Variants in EYS observed in about 807,000 individuals in gnomAD.
EYS encodes EGF-like photoreceptor maintenance factor, also known as protein eyes shut homolog.
Under a neutral mutation model 282.1 loss-of-function variants are expected in EYS, and 250 were observed. The observed-to-expected ratio is 0.89, with a 90% CI of 0.80 to 0.98. EYS has a LOEUF of 0.98. Among genes scored for constraint, EYS ranks in the 50% least tolerant of loss-of-function variants. The probability of loss-of-function intolerance (pLI) is 0.00; values close to 1 mark genes in which losing one functional copy is unlikely to be tolerated. For synonymous variants in EYS, 1,355 were observed against 1,282.9 expected (o/e 1.06, Z -1.20); for missense variants, 4,016 against 3,709.0 (o/e 1.08, Z -2.15).
At chr6:63,994,222 G>T (rs1044512090) in intron 34 of EYS, among the ~76,000 whole-genome samples, 1 of 151,892 alleles carries the variant, frequency 6.6e-6, no homozygotes, top group Non-Finnish European at 1.5e-5. Context: ...TTCTCAACAA[G>T]TATGCCACAC....
chr6:64,230,438 G>T (rs559502937), intron 31 of EYS, among the ~76,000 whole-genome samples, 154 bp downstream of exon 31: 2 of 152,240 alleles, frequency 1.3e-5, no homozygotes, highest in East Asian at 1.9e-4. Context: ...TAAACTGAAA[G>T]TATTCGATCA....
intron 31 of EYS, among the ~76,000 whole-genome samples, chr6:64,144,721 G>T (rs1774452348): frequency 6.6e-6 from 1 of 152,206 alleles, no homozygotes; most frequent in Non-Finnish European, 1.5e-5. Context: ...GCCAGGGAGG[G>T]CTGGGAAGAA....
At chr6:65,501,138 G>A (rs1766437916) in intron 2 of EYS, among the ~76,000 whole-genome samples, 1 of 151,684 alleles carries the variant, frequency 6.6e-6, no homozygotes, top group African/African-American at 2.4e-5. Context: ...TTTGTCTTCT[G>A]TGAAGTGAAA....
chr6:64,645,774 C>G (rs1051782332), intron 22 of EYS, among the ~76,000 whole-genome samples: 18 of 152,150 alleles, frequency 1.2e-4, no homozygotes, highest in African/African-American at 4.3e-4. Flanking sequence ...TTTTTTAATT[C>G]TCTTTTTTTA....
chr6:64,617,694 C>T (rs939170737), intron 23 of EYS, among the ~76,000 whole-genome samples, 161 bp from the exon 24 acceptor site: 4 of 152,102 alleles, frequency 2.6e-5, no homozygotes, highest in African/African-American at 4.8e-5. Flanking sequence ...TATCAGGTAG[C>T]TCTTATTCTA....
chr6:64,925,533 G>C (rs1204749907), intron 15 of EYS, among the ~76,000 whole-genome samples: 4 of 152,148 alleles, frequency 2.6e-5, no homozygotes, highest in Non-Finnish European at 5.9e-5. Flanking sequence ...GGTAGCAGAG[G>C]TCATATGAGG....
chr6:65,681,087 T>C (rs1768796043), intron 1 of EYS, among the ~76,000 whole-genome samples: 1 of 150,132 alleles, frequency 6.7e-6, no homozygotes. Context: ...ATTAGAAGAC[T>C]TTGGAGATTC....
intron 18 of EYS, among the ~76,000 whole-genome samples, chr6:64,892,049 C>A (rs1767307782): frequency 6.6e-6 from 1 of 151,760 alleles, no homozygotes; most frequent in African/African-American, 2.4e-5. Flanking sequence ...ACAGTGACTT[C>A]TGAAGAAAAT....
chr6:64,927,017 T>C (rs889631700), intron 15 of EYS, among the ~76,000 whole-genome samples: 2 of 152,230 alleles, frequency 1.3e-5, no homozygotes, highest in Non-Finnish European at 2.9e-5. Context: ...TCTTTTAGTA[T>C]AGGACATTGG....
At position 65,405,225 on chromosome 6, in the gene EYS, C is replaced by A. The variant is rs80095433; in HGVS notation, c.1005G>T (p.Glu335Asp). The change falls in exon 6 of 43, where the codon GAG (glutamate) becomes GAT (aspartate). Residue 335 changes from glutamate to aspartate, a missense_variant. By Grantham distance (45) the Glu-to-Asp change is conservative (BLOSUM62 2). Transcript: ENST00000503581. ...CATTCTGACATGGTACTAATGAAAA[C>A]TCACTGACATCAGTTTCACCATTTT... is the stretch of plus-strand genomic sequence containing the variant. ...SSQNGETDVSEFSLVPCQNGT... is the reference protein window; with the variant it reads ...SSQNGETDVSDFSLVPCQNGT... 1.8e-4 allele frequency: 289 copies of A among 1,613,120 alleles called. 5 individuals are homozygous for A. In the East Asian group the frequency reaches 6.4e-3, roughly 36 times the overall value.
chr6:64,494,560 G>A (rs1471567831), intron 26 of EYS, among the ~76,000 whole-genome samples: 1 of 150,978 alleles, frequency 6.6e-6, no homozygotes, highest in Non-Finnish European at 1.5e-5. Context: ...ACTGTTATTA[G>A]TTCAATGGAT....
intron 36 of EYS, among the ~76,000 whole-genome samples, chr6:63,830,533 A>G (rs180843822): frequency 3.3e-4 from 50 of 152,316 alleles, no homozygotes; most frequent in Middle Eastern, 6.8e-3. Flanking sequence ...AAGAGTAAAA[A>G]GAAACAAAGC....
intron 26 of EYS, among the ~76,000 whole-genome samples, chr6:64,552,922 C>A (rs539417457): frequency 7.2e-6 from 1 of 139,534 alleles, no homozygotes; most frequent in Admixed American, 7.2e-5. Context: ...CATTCCCCCC[C>A]GCCCCCTCCC....
intron 29 of EYS, among the ~76,000 whole-genome samples, chr6:64,374,094 G>T (rs986025891): frequency 6.6e-6 from 1 of 151,500 alleles, no homozygotes; most frequent in Non-Finnish European, 1.5e-5. Context: ...CTAGTGGCGG[G>T]GCAGGTAAAG....
At chr6:63,795,133 C>T (rs190020208) in intron 37 of EYS, among the ~76,000 whole-genome samples, 1 of 152,180 alleles carries the variant, frequency 6.6e-6, no homozygotes, top group African/African-American at 2.4e-5. Flanking sequence ...CCATCAGCAC[C>T]ATTAAGCAGT....
At chr6:64,901,396 T>G (rs1251506527) in intron 18 of EYS, among the ~76,000 whole-genome samples, 1 of 151,006 alleles carries the variant, frequency 6.6e-6, no homozygotes, top group African/African-American at 2.4e-5. Flanking sequence ...AAACTTCATA[T>G]TATTATAAGA....
chr6:64,230,911 TAAGAG>T (rs745985064), intron 30 of EYS, 87 bp from the exon 31 acceptor site: 35 of 781,696 alleles, frequency 4.5e-5, no homozygotes, highest in Middle Eastern at 3.3e-4. Flanking sequence ...TGATTTAATA[TAAGAG>T]AAAATGAAAC....
At chr6:64,186,872 T>C (rs1397191981) in intron 31 of EYS, among the ~76,000 whole-genome samples, 1 of 152,190 alleles carries the variant, frequency 6.6e-6, no homozygotes, top group Non-Finnish European at 1.5e-5. Flanking sequence ...TGTATGAAGA[T>C]GGATAATAAG....
chr6:64,794,788 C>T (rs1774303145), intron 22 of EYS, among the ~76,000 whole-genome samples: 1 of 152,074 alleles, frequency 6.6e-6, no homozygotes, highest in Non-Finnish European at 1.5e-5. Flanking sequence ...AATCAATTCC[C>T]ATTACTATGA....
Sources: allele counts gnomAD v4.1 joint callset (sites outside exome capture counted in the v4.1 genomes callset), GRCh38; gene constraint gnomAD v4.1.1; transcripts MANE v1.5; gene names NCBI Gene and HGNC (gene_info 2026-07-23, HGNC 2026-07-21).